Variants in ZBTB16 observed in about 807,000 individuals in gnomAD.
ZBTB16 encodes zinc finger and BTB domain containing 16.
ZBTB16 carries 8 observed loss-of-function variants against 56.8 expected under a neutral mutation model. The observed-to-expected ratio is 0.14, with a 90% CI of 0.08 to 0.25. The LOEUF is 0.25. Ranked by LOEUF, ZBTB16 falls within the 10% of genes least tolerant of loss-of-function variation. The pLI is 1.00. For missense variants in ZBTB16, 625 were observed against 903.0 expected (o/e 0.69, Z 3.95); for synonymous variants, 363 against 368.5 (o/e 0.98, Z 0.17).
At chr11:114,186,177 C>T (rs938122998) in intron 3 of ZBTB16, among the ~76,000 whole-genome samples, 9 of 152,188 alleles carry the variant, frequency 5.9e-5, no homozygotes, top group Middle Eastern at 3.4e-3. Context: ...GTATGAATGA[C>T]GAACAGGAGC....
chr11:114,103,378 C>T (rs2852792), intron 2 of ZBTB16, among the ~76,000 whole-genome samples: 8,670 of 152,228 alleles, frequency 0.057, 300 homozygotes, highest in South Asian at 0.087. Flanking sequence ...TAGCAGTTGG[C>T]TGAACACCCT....
At chr11:114,193,321 G>C (rs1030290213) in intron 4 of ZBTB16, among the ~76,000 whole-genome samples, 1 of 152,162 alleles carries the variant, frequency 6.6e-6, no homozygotes, top group Non-Finnish European at 1.5e-5. Flanking sequence ...GACCAAGGTG[G>C]ATGCTTTGAG....
chr11:114,168,472 C>G (rs773215159), intron 3 of ZBTB16, among the ~76,000 whole-genome samples: 1 of 152,212 alleles, frequency 6.6e-6, no homozygotes, highest in Non-Finnish European at 1.5e-5. Context: ...GTTCCAGGCA[C>G]AGTGCTATGT....
chr11:114,095,406 G>A (rs992305341), intron 2 of ZBTB16, among the ~76,000 whole-genome samples: 7 of 151,780 alleles, frequency 4.6e-5, no homozygotes, highest in South Asian at 2.1e-4. Flanking sequence ...GACTACAGGC[G>A]CCCGCCACCA....
At chr11:114,105,348 C>T (rs1230552628) in intron 2 of ZBTB16, among the ~76,000 whole-genome samples, 1 of 151,976 alleles carries the variant, frequency 6.6e-6, no homozygotes, top group Non-Finnish European at 1.5e-5. Context: ...CCAAGCAATT[C>T]TCCTGCCTCA....
At chr11:114,218,509 C>T (rs3781998) in intron 4 of ZBTB16, among the ~76,000 whole-genome samples, 16,809 of 152,226 alleles carry the variant, frequency 0.11, 1,071 homozygotes, top group East Asian at 0.25. Flanking sequence ...CTTGGCACTT[C>T]GGGACCAGCT....
chr11:114,157,191 T>A (rs1221011023), intron 3 of ZBTB16, among the ~76,000 whole-genome samples: 1 of 152,208 alleles, frequency 6.6e-6, no homozygotes, highest in Non-Finnish European at 1.5e-5. Flanking sequence ...TCTCCTCATG[T>A]AGGCCAAGGC....
rs1019031104 is a variant in ZBTB16 at position 114,106,596 on chromosome 11, A to G, written c.1268+42028A>G. 1.1e-4 allele frequency among the ~76,000 whole-genome samples: 17 copies of G among 151,278 alleles called. 1 individual carries two copies. Among genetic ancestry groups the G allele is most frequent in the Non-Finnish European group, 1.5e-5 (1 of 67,878 alleles). Reference sequence around the variant, plus strand: ...AGCGATTCTCCTGCCTCAGCCTCCCAAGTAGCTGGGACTATAGGCCTGCAC... The same window carrying G: ...AGCGATTCTCCTGCCTCAGCCTCCCGAGTAGCTGGGACTATAGGCCTGCAC... On this transcript the variant is annotated intron_variant, in intron 2 of 6. Transcript: ENST00000335953.
chr11:114,199,519 A>G (rs1235266053), intron 4 of ZBTB16, among the ~76,000 whole-genome samples: 1 of 152,236 alleles, frequency 6.6e-6, no homozygotes, highest in East Asian at 1.9e-4. Context: ...ATGTGATTGC[A>G]GATTACCATT....
intron 4 of ZBTB16, among the ~76,000 whole-genome samples, chr11:114,212,800 C>A (rs921851473): frequency 1.3e-5 from 2 of 152,138 alleles, no homozygotes; most frequent in Admixed American, 6.5e-5. Context: ...GCTTATCCCC[C>A]CATCCCCCAT....
At chr11:114,203,888 A>G (rs1369849205) in intron 4 of ZBTB16, among the ~76,000 whole-genome samples, 1 of 152,180 alleles carries the variant, frequency 6.6e-6, no homozygotes, top group Admixed American at 6.5e-5. Flanking sequence ...AGGAAGGATC[A>G]GGTCTGAACT....
Position 114,255,862 on chromosome 11 carries a change from G to C in ZBTB16, c.*5307G>C, listed in dbSNP as rs899612900. On this transcript the variant is annotated 3_prime_UTR_variant, in exon 7 of 7. Coordinates refer to ENST00000335953, the MANE Select transcript of ZBTB16 (RefSeq NM_006006.6). The stretch of plus-strand genomic sequence containing the variant: ...CATCCTACTAACAGTAGATTTTTTT[G>C]TAGTGAACATTTTTTGTATTTTTAT... Among the ~76,000 whole-genome samples the C allele has an allele frequency of 1.3e-4, 19 of 151,710 alleles. No homozygotes were observed. Among genetic ancestry groups the C allele is most frequent in the Non-Finnish European group, 4.4e-5 (3 of 67,958 alleles).
intron 4 of ZBTB16, among the ~76,000 whole-genome samples, chr11:114,235,629 C>CCTTCCTTCCTTCCTTCCTTT (rs767837990): frequency 5.1e-5 from 5 of 97,792 alleles, no homozygotes; most frequent in African/African-American, 2.1e-4. Context: ...CCTCTCCCTT[C>CCTTCCTTCCTTCCTTCCTTT]CTTTCTTTCT....
chr11:114,249,854 TCCCCCCACCCCTG>T lies in ZBTB16; in HGVS notation c.1793-470_1793-458del, dbSNP rs1944888236. ...TTTGAAGGACTGGGTTCCCTCAATT[TCCCCCCACCCCTG>T]CTCCCCACCATCTGTAGCCCTGAAA... On this transcript the variant is annotated intron_variant, in intron 6 of 6. Transcript: ENST00000335953. 2.7e-5 allele frequency among the ~76,000 whole-genome samples: 4 copies of T among 150,900 alleles called. No homozygotes were observed. The East Asian group carries it at 7.9e-4, about 30-fold the overall frequency.
At chr11:114,082,401 C>G (rs1309984809) in intron 2 of ZBTB16, among the ~76,000 whole-genome samples, 2 of 152,210 alleles carry the variant, frequency 1.3e-5, no homozygotes, top group African/African-American at 4.8e-5. Context: ...TTAACACACT[C>G]TGCACAGTGC....
intron 3 of ZBTB16, among the ~76,000 whole-genome samples, chr11:114,170,861 A>C (rs1942945515): frequency 6.6e-6 from 1 of 152,178 alleles, no homozygotes; most frequent in African/African-American, 2.4e-5. Context: ...GATTTGCTGG[A>C]GTCTTCCTTC....
At chr11:114,111,440 G>A (rs187230080) in intron 2 of ZBTB16, among the ~76,000 whole-genome samples, 277 of 152,262 alleles carry the variant, frequency 1.8e-3, no homozygotes, top group African/African-American at 6.4e-3. Context: ...TAGAGAGAAA[G>A]AGAGAAACTG....
chr11:114,171,092 G>A (rs1281047552), intron 3 of ZBTB16, among the ~76,000 whole-genome samples: 6 of 152,148 alleles, frequency 3.9e-5, no homozygotes, highest in Non-Finnish European at 8.8e-5. Context: ...GGCTCGAGAG[G>A]GACAGGTGCA....
At chr11:114,069,370 C>T (rs1939245446) in intron 2 of ZBTB16, among the ~76,000 whole-genome samples, 1 of 152,218 alleles carries the variant, frequency 6.6e-6, no homozygotes. Context: ...CAGGTGTGAG[C>T]CACCACGCCC....
Sources: gnomAD v4.1 joint callset for allele counts (sites outside exome capture counted in the v4.1 genomes callset) on GRCh38, gnomAD v4.1.1 for gene constraint, MANE v1.5 for transcripts, NCBI Gene and HGNC (gene_info 2026-07-23, HGNC 2026-07-21) for gene names.